MORC1: variants seen among roughly 807,000 people sequenced by gnomAD.
MORC1 encodes MORC family CW-type zinc finger protein 1.
MORC1 carries 59 observed loss-of-function variants against 134.9 expected under a neutral mutation model. The ratio of observed to expected loss-of-function variants is 0.44; its 90% CI spans 0.35 to 0.54. The LOEUF (loss-of-function observed/expected upper bound fraction) is 0.54. Ranked by LOEUF, MORC1 falls within the 20% of genes least tolerant of loss-of-function variation. The pLI, the probability that MORC1 is intolerant of heterozygous loss-of-function variation, is 0.00. For missense variants in MORC1, 947 were observed against 1,134.5 expected (o/e 0.83, Z 2.37); for synonymous variants, 395 against 391.7 (o/e 1.01, Z -0.10).
intron 17 of MORC1, among the ~76,000 whole-genome samples, chr3:109,007,673 T>C (rs1018093028): frequency 6.6e-6 from 1 of 152,234 alleles, no homozygotes; most frequent in Admixed American, 6.5e-5. Flanking sequence ...TTAAATTATC[T>C]ATCCTGAAGG....
intron 17 of MORC1, among the ~76,000 whole-genome samples, chr3:109,008,771 C>T (rs1160293955): frequency 6.6e-6 from 1 of 152,024 alleles, no homozygotes; most frequent in Non-Finnish European, 1.5e-5. Flanking sequence ...ATTTCCTACT[C>T]TGAACAGTGG....
chr3:108,959,201 C>CGGAA, intron 27 of MORC1, 81 bp from the exon 28 acceptor site: 1 of 1,256,342 alleles, frequency 8.0e-7, no homozygotes, highest in Non-Finnish European at 1.1e-6. Context: ...TCCTAACAGT[C>CGGAA]TTCCCTATGA....
intron 22 of MORC1, among the ~76,000 whole-genome samples, 199 bp from the exon 23 acceptor site, chr3:108,984,981 T>C (rs765356511): frequency 6.6e-6 from 1 of 152,248 alleles, no homozygotes; most frequent in East Asian, 1.9e-4. Flanking sequence ...ATAAAGTTTA[T>C]GTAGTATATA....
intron 17 of MORC1, among the ~76,000 whole-genome samples, chr3:109,010,396 T>C (rs1278838504): frequency 2.0e-5 from 3 of 152,246 alleles, no homozygotes; most frequent in Admixed American, 2.0e-4. Context: ...TAAATCCTTA[T>C]ATTTGTTTCA....
At chr3:108,988,903 T>G (rs1418882756) in intron 21 of MORC1, among the ~76,000 whole-genome samples, 1 of 152,204 alleles carries the variant, frequency 6.6e-6, no homozygotes, top group Non-Finnish European at 1.5e-5. Flanking sequence ...TAGGATCAGA[T>G]ATGCCTTCTT....
chr3:108,984,327 C>G (rs1947835560), intron 23 of MORC1, among the ~76,000 whole-genome samples: 1 of 151,628 alleles, frequency 6.6e-6, no homozygotes, highest in Non-Finnish European at 1.5e-5. Context: ...TTCTAGCACA[C>G]AATGATTATA....
At position 108,997,419 on chromosome 3, in the gene MORC1, T is replaced by G. The variant is rs963942063; in HGVS notation, c.2187+3138A>C. On this transcript the variant is annotated intron_variant, in intron 21 of 27. Coordinates refer to ENST00000232603, the MANE Select transcript of MORC1 (RefSeq NM_014429.4). ...TGGTGGTGCATGTAATTCCAGCTACTCGGGAGGCTGAGGCAAGAGAATCGC... is the reference window on the plus strand; with the variant it reads ...TGGTGGTGCATGTAATTCCAGCTACGCGGGAGGCTGAGGCAAGAGAATCGC... 5.3e-5 allele frequency among the ~76,000 whole-genome samples: 8 copies of G among 151,952 alleles called. No homozygotes were observed. In the East Asian group the frequency reaches 1.2e-3, roughly 22 times the overall value.
At chr3:109,105,501 C>T (rs576604504) in intron 3 of MORC1, among the ~76,000 whole-genome samples, 29 of 152,022 alleles carry the variant, frequency 1.9e-4, no homozygotes, top group South Asian at 1.2e-3. Flanking sequence ...CCAGCCTGGG[C>T]GACAGAGCGA....
At chr3:109,065,038 A>T (rs1486072876) in intron 9 of MORC1, among the ~76,000 whole-genome samples, 1 of 152,114 alleles carries the variant, frequency 6.6e-6, no homozygotes, top group Non-Finnish European at 1.5e-5. Flanking sequence ...CCTTCACAAC[A>T]TATCTGTAAT....
intron 21 of MORC1, among the ~76,000 whole-genome samples, chr3:108,999,734 TTAAAGTTTAGCTATAAGCTTCTTGGCAA>T (rs1559882607): frequency 6.6e-6 from 1 of 152,182 alleles, no homozygotes; most frequent in East Asian, 1.9e-4. Context: ...CTTACGCGGG[TTAAAGTTTAGCTATAAGCTTCTTGGCAA>T]TCAAGGTAAA....
At position 109,024,241 on chromosome 3, in the gene MORC1, T is replaced by C. The variant is rs573918868; in HGVS notation, c.1704+3510A>G. Among the ~76,000 whole-genome samples, 4 of 152,326 alleles carry C rather than the reference T, an allele frequency of 2.6e-5. No individual in the cohort carries two copies. The South Asian group carries it at 6.2e-4, about 24-fold the overall frequency. Reference sequence around the variant, plus strand: ...GACTGCGAGAAATATGGTGCTGGAATTGGGCAAAAAGGAAATAAATTCCAA... The same window carrying C: ...GACTGCGAGAAATATGGTGCTGGAACTGGGCAAAAAGGAAATAAATTCCAA... On this transcript the variant is annotated intron_variant, in intron 17 of 27. Coordinates refer to ENST00000232603, the MANE Select transcript of MORC1 (RefSeq NM_014429.4).
chr3:109,111,803 A>G (rs570918279), intron 2 of MORC1, among the ~76,000 whole-genome samples: 1 of 152,274 alleles, frequency 6.6e-6, no homozygotes, highest in African/African-American at 2.4e-5. Flanking sequence ...CTCCCAGACA[A>G]ATCTGAGTAG....
chr3:109,066,937 T>A (rs937142792), intron 9 of MORC1, among the ~76,000 whole-genome samples: 1 of 151,192 alleles, frequency 6.6e-6, no homozygotes, highest in Non-Finnish European at 1.5e-5. Flanking sequence ...AAAGATTAAA[T>A]AATTCAGCAT....
At position 109,068,523 on chromosome 3, in the gene MORC1, C is replaced by T. The variant is rs544488208; in HGVS notation, c.815+1109G>A. 1.1e-4 allele frequency among the ~76,000 whole-genome samples: 16 copies of T among 152,322 alleles called. No homozygotes were observed. In the South Asian group the frequency reaches 3.1e-3, roughly 30 times the overall value. ...GTCTCCAATCTCATCTAGGTCATTG[C>T]AAATGCTGTTAATTCATTCCTTTTT... On this transcript the variant is annotated intron_variant, in intron 9 of 27. Coordinates refer to ENST00000232603, the MANE Select transcript of MORC1 (RefSeq NM_014429.4).
chr3:109,005,355 A>G (rs13072610), intron 18 of MORC1, 40 bp from the exon 19 acceptor site: 204,526 of 1,513,714 alleles, frequency 0.14, 14,615 homozygotes, highest in Middle Eastern at 0.15. Flanking sequence ...TTTGGTAGAT[A>G]GCCTATTTAT....
rs571303201 is a variant in MORC1 at position 109,062,484 on chromosome 3, G to C, written c.896-426C>G. 2.7e-5 allele frequency among the ~76,000 whole-genome samples: 4 copies of C among 149,780 alleles called. No homozygotes were observed. The Middle Eastern group carries it at 0.014, about 513-fold the overall frequency. Reference sequence around the variant, plus strand: ...CACCCAGGCTGGAGTGCAGTGGCGCGATCTCAGCTCACTGCAAACTCCCCC... The same window carrying C: ...CACCCAGGCTGGAGTGCAGTGGCGCCATCTCAGCTCACTGCAAACTCCCCC... On this transcript the variant is annotated intron_variant, in intron 10 of 27. Coordinates refer to ENST00000232603, the MANE Select transcript of MORC1 (RefSeq NM_014429.4).
chr3:109,050,209 C>T lies in MORC1; in HGVS notation c.1330+4519G>A, dbSNP rs140503021. The stretch of plus-strand genomic sequence containing the variant: ...CATTCTTCTCTGTTGGGCACTAATC[C>T]TATTTCTAATTGTCAAATCGTGTTA... On this transcript the variant is annotated intron_variant, in intron 14 of 27. Transcript: ENST00000232603. Among the ~76,000 whole-genome samples, 777 of 152,296 alleles carry T rather than the reference C, an allele frequency of 5.1e-3. 18 individuals are homozygous for T. Among genetic ancestry groups the T allele is most frequent in the African/African-American group, 0.018 (746 of 41,568 alleles).
chr3:109,065,744 C>T lies in MORC1; in HGVS notation c.816-2513G>A, dbSNP rs900909139. 2.0e-5 allele frequency among the ~76,000 whole-genome samples: 3 copies of T among 152,086 alleles called. 1 individual carries two copies. The highest frequency in any genetic ancestry group is 4.1e-4 in the South Asian group (2 of 4,826). Reference sequence around the variant, plus strand: ...TGTTTATTGACACATTATTCACAATCGCAAAGACATGGAATTGGTCTAGGT... The same window carrying T: ...TGTTTATTGACACATTATTCACAATTGCAAAGACATGGAATTGGTCTAGGT... On this transcript the variant is annotated intron_variant, in intron 9 of 27. Coordinates refer to ENST00000232603, the MANE Select transcript of MORC1 (RefSeq NM_014429.4).
At chr3:109,111,769 G>A (rs1008135905) in intron 2 of MORC1, among the ~76,000 whole-genome samples, 7 of 152,182 alleles carry the variant, frequency 4.6e-5, no homozygotes, top group Non-Finnish European at 8.8e-5. Context: ...TCTCTCCAAA[G>A]TTCCATCAGT....
Sources: gnomAD v4.1 joint callset for allele counts (sites outside exome capture counted in the v4.1 genomes callset) on GRCh38, gnomAD v4.1.1 for gene constraint, MANE v1.5 for transcripts, NCBI Gene and HGNC (gene_info 2026-07-23, HGNC 2026-07-21) for gene names.